CEP63: variants seen among roughly 807,000 people sequenced by gnomAD.
The protein encoded by CEP63 is centrosomal protein 63.
In CEP63, 84 loss-of-function variants were observed where a neutral mutation model predicts 89.1. The ratio of observed to expected loss-of-function variants is 0.94; its 90% CI spans 0.79 to 1.13. The LOEUF is 1.13. Ranked by LOEUF, CEP63 falls within the 50% of genes most tolerant of loss-of-function variation. The probability of loss-of-function intolerance (pLI) is 0.00; values close to 1 mark genes in which losing one functional copy is unlikely to be tolerated. For synonymous variants in CEP63, 267 were observed against 272.5 expected, an observed-to-expected ratio of 0.98 and a Z score of 0.20; for missense variants, 838 against 813.3, an observed-to-expected ratio of 1.03 and a Z score of -0.37.
chr3:134,647,095 T>G, the CEP63 span, among the ~76,000 whole-genome samples: 11 of 152,190 alleles, frequency 7.2e-5, no homozygotes, highest in South Asian at 1.0e-3. Flanking sequence ...TGGGAAACAT[T>G]TTCAAAAGAT....
intron 1 of CEP63, among the ~76,000 whole-genome samples, chr3:134,494,916 T>G (rs1939245187): frequency 6.6e-6 from 1 of 152,186 alleles, no homozygotes; most frequent in African/African-American, 2.4e-5. Context: ...AAAGCTATAC[T>G]TTCCCTCTGA....
chr3:134,651,486 C>G, the CEP63 span: 8 of 1,006,730 alleles, frequency 7.9e-6, no homozygotes, highest in East Asian at 8.4e-4. Flanking sequence ...AAAGGGGCTC[C>G]AGATTGAATT....
chr3:134,537,962 A>T (rs546801402), intron 6 of CEP63, among the ~76,000 whole-genome samples: 22 of 152,310 alleles, frequency 1.4e-4, no homozygotes, highest in African/African-American at 4.6e-4. Flanking sequence ...ACAGACACCT[A>T]CTTTAGGAAT....
At chr3:134,636,639 G>T in the CEP63 span, among the ~76,000 whole-genome samples, 1 of 152,206 alleles carries the variant, frequency 6.6e-6, no homozygotes, top group Non-Finnish European at 1.5e-5. Flanking sequence ...CCCAAGATCA[G>T]CTGGGTGTGG....
the CEP63 span, among the ~76,000 whole-genome samples, chr3:134,643,695 C>A: frequency 6.6e-6 from 1 of 152,176 alleles, no homozygotes; most frequent in East Asian, 1.9e-4. Context: ...TTTGGTGTCA[C>A]CAGGCACAGT....
Position 134,561,735 on chromosome 3 carries a change from C to A in CEP63, c.*200C>A. 2 of 1,390,040 alleles carry A rather than the reference C, an allele frequency of 1.4e-6. No individual in the cohort carries two copies. Among genetic ancestry groups the A allele is most frequent in the Non-Finnish European group, 9.3e-7 (1 of 1,074,968 alleles). 86.1% of individuals were successfully genotyped at this position (1,390,040 alleles called of 1,614,324 possible). ...GGTTTGTTTAAAGGACTTCTTCCAG[C>A]AATAAGTTGAAAGAATAAACCACTT... On this transcript the variant is annotated 3_prime_UTR_variant, in exon 15 of 15. Transcript: ENST00000675561.
chr3:134,492,894 C>A (rs1344796146), intron 1 of CEP63, among the ~76,000 whole-genome samples: 3 of 152,096 alleles, frequency 2.0e-5, no homozygotes, highest in Non-Finnish European at 4.4e-5. Context: ...ATTTAACTCT[C>A]TAAGCCTGTT....
At chr3:134,639,851 G>A in the CEP63 span, 1 of 149,712 alleles carries the variant, frequency 6.7e-6, no homozygotes, top group Admixed American at 6.7e-5. Context: ...TCGGGAGGCT[G>A]AGGAAGGAGG....
chr3:134,744,875 A>G, the CEP63 span, among the ~76,000 whole-genome samples: 1 of 152,156 alleles, frequency 6.6e-6, no homozygotes, highest in East Asian at 1.9e-4. Context: ...ACTATCTTCT[A>G]TTACCTGGGC....
the CEP63 span, among the ~76,000 whole-genome samples, chr3:134,761,558 G>A: frequency 1.3e-5 from 2 of 152,172 alleles, no homozygotes; most frequent in African/African-American, 4.8e-5. Context: ...GAAAATTATT[G>A]TTTTTGCTGA....
chr3:134,549,059 C>T lies in CEP63; in HGVS notation c.1068-3C>T, dbSNP rs758918487. On this transcript the variant is annotated splice_polypyrimidine_tract_variant and splice_region_variant and intron_variant, in intron 9 of 14. Transcript: ENST00000675561. The stretch of plus-strand genomic sequence containing the variant: ...AGTATGGGATCTTATTTTTGTCATA[C>T]AGTTTGGAATCTGTGAGTGCAACGT... 5 of 1,592,484 alleles carry T rather than the reference C, an allele frequency of 3.1e-6. No individual in the cohort carries two copies. In the East Asian group the frequency reaches 8.9e-5, roughly 28 times the overall value.
intron 5 of CEP63, chr3:134,535,637 C>G (rs1446824022): frequency 6.6e-6 from 1 of 152,062 alleles, no homozygotes; most frequent in African/African-American, 2.4e-5. Context: ...GAATAACTTT[C>G]AACTGCCTGT....
intron 12 of CEP63, 123 bp from the exon 13 acceptor site, chr3:134,558,019 G>A: frequency 1.2e-6 from 1 of 813,546 alleles, no homozygotes; most frequent in South Asian, 1.5e-5. Flanking sequence ...TAAAAACAAA[G>A]CTTCATTAAA....
At chr3:134,546,732 T>G (rs2109648864) in intron 8 of CEP63, among the ~76,000 whole-genome samples, 1 of 152,332 alleles carries the variant, frequency 6.6e-6, no homozygotes, top group East Asian at 1.9e-4. Flanking sequence ...TGGCTTTAAC[T>G]TCTGAGTTAG....
At chr3:134,777,227 C>A in the CEP63 span, among the ~76,000 whole-genome samples, 2 of 152,210 alleles carry the variant, frequency 1.3e-5, no homozygotes, top group African/African-American at 4.8e-5. Context: ...TCTCACTCTC[C>A]AATTAGTTGT....
intron 6 of CEP63, among the ~76,000 whole-genome samples, chr3:134,543,339 G>A (rs1952461009): frequency 6.6e-6 from 1 of 152,138 alleles, no homozygotes; most frequent in South Asian, 2.1e-4. Context: ...GACTGCAATG[G>A]TATTGCAGCC....
In CEP63 at chr3:134,507,154, A is replaced by G. The variant is rs201362940; in HGVS notation, c.90A>G (p.Lys30=). 6.0e-5 allele frequency: 97 copies of G among 1,613,714 alleles called. No individual in the cohort carries two copies. The highest frequency in any genetic ancestry group is 3.3e-4 in the Middle Eastern group (2 of 6,080). ...SCEAELQELM[K]QIDIMVAHKK... ...AAGCAGAACTACAGGAGCTCATGAAACAGATTGACATAATGGTGGCTCATA... is the reference window on the plus strand; with the variant it reads ...AAGCAGAACTACAGGAGCTCATGAAGCAGATTGACATAATGGTGGCTCATA... The change falls in exon 3 of 15, where the codon AAA becomes AAG. Residue 30 remains lysine, a synonymous_variant. Coordinates refer to ENST00000675561, the MANE Select transcript of CEP63 (RefSeq NM_001353108.3).
chr3:134,606,811 C>T, the CEP63 span, among the ~76,000 whole-genome samples: 1 of 151,582 alleles, frequency 6.6e-6, no homozygotes, highest in African/African-American at 2.4e-5. Flanking sequence ...TTCCAGTCCC[C>T]TCTTCCTCCT....
chr3:134,508,355 A>G (rs1426989381), intron 3 of CEP63, among the ~76,000 whole-genome samples: 1 of 152,216 alleles, frequency 6.6e-6, no homozygotes, highest in Non-Finnish European at 1.5e-5. Context: ...ATATTTTAAA[A>G]TTACACACCA....
Sources: allele counts gnomAD v4.1 joint callset (sites outside exome capture counted in the v4.1 genomes callset), GRCh38; gene constraint gnomAD v4.1.1; transcripts MANE v1.5; gene names NCBI Gene and HGNC (gene_info 2026-07-23, HGNC 2026-07-21).